CCND3: variants seen among roughly 807,000 people sequenced by gnomAD.
CCND3 encodes G1/S-specific cyclin-D3.
CCND3 carries 9 observed loss-of-function variants against 28.7 expected under a neutral mutation model. The observed-to-expected ratio is 0.31, with a 90% CI of 0.19 to 0.55. CCND3 has a LOEUF of 0.55. Among genes scored for constraint, CCND3 ranks in the 20% least tolerant of loss-of-function variants. The pLI is 0.93. For missense variants in CCND3, 315 were observed against 385.8 expected, an observed-to-expected ratio of 0.82 and a Z score of 1.54; for synonymous variants, 164 against 163.9, an observed-to-expected ratio of 1.00 and a Z score of 0.00.
At chr6:42,029,960 T>C (rs9367126) in intron 1 of CCND3, 15,018 of 151,868 alleles carry the variant, frequency 0.099, 1,061 homozygotes, top group East Asian at 0.32. Context: ...TTTCAACCAT[T>C]CTCCCACCAA....
chr6:41,936,913 CCGGGAATAGACAA>C lies in CCND3; in HGVS notation c.575-231_575-219del. 1 of 601,712 alleles carries C rather than the reference CCGGGAATAGACAA, an allele frequency of 1.7e-6. No homozygotes were observed. The allele number at this position is 601,712 out of a possible 1,614,324, so 37.3% of individuals were successfully genotyped here. A position where few individuals can be genotyped will look rare whatever the true frequency, so the allele number is the denominator to read the frequency against. On this transcript the variant is annotated intron_variant, in intron 3 of 4. Transcript: ENST00000372991. This position sits in a 1 kb window ranked among gnomAD's most constrained non-coding sequence, Gnocchi z 4.4. ...AACCAACTGCCAGTTTCCATAGGTC[CCGGGAATAGACAA>C]GACACTCCCTAGTATGGGAACACAA... is the stretch of plus-strand genomic sequence containing the variant.
At chr6:41,967,202 G>A (rs2127406655) in intron 1 of CCND3, among the ~76,000 whole-genome samples, 1 of 152,256 alleles carries the variant, frequency 6.6e-6, no homozygotes, top group South Asian at 2.1e-4. Flanking sequence ...ATTTTGAAAG[G>A]GGGAAGGCGG....
intron 1 of CCND3, among the ~76,000 whole-genome samples, chr6:41,996,151 G>T (rs796766387): frequency 0.02 from 2,507 of 126,728 alleles, 45 homozygotes; most frequent in East Asian, 0.1. Flanking sequence ...TTTTTTGTTT[G>T]TTTGTTTGTT....
intron 1 of CCND3, among the ~76,000 whole-genome samples, chr6:41,950,770 G>A (rs966044661): frequency 9.3e-5 from 14 of 149,736 alleles, no homozygotes; most frequent in Admixed American, 6.7e-4. Flanking sequence ...GTGCAGTGGC[G>A]CGATCTCAGC....
intron 1 of CCND3, among the ~76,000 whole-genome samples, chr6:41,987,475 TTTTCTCTCTCTCTCTCTCTC>T (rs1386672921): frequency 1.8e-5 from 2 of 110,004 alleles, no homozygotes; most frequent in Non-Finnish European, 3.7e-5. Flanking sequence ...TGGACCAGGC[TTTTCTCTCTCTCTCTCTCTC>T]TCTCTCTCTC....
rs1776004046 is a variant in CCND3 at position 41,941,236 on chromosome 6, C to T, written c.198+216G>A. ...CCGAAGAGAGGCACAGTTAGGGTGC[C>T]AAGTGACTGGCAGTCACTGTCGGGA... On this transcript the variant is annotated intron_variant, in intron 1 of 4. Coordinates refer to ENST00000372991, the MANE Select transcript of CCND3 (RefSeq NM_001760.5). The surrounding 1 kb of genome is among the most constrained non-coding windows in gnomAD (Gnocchi z 6.1). 7.0e-7 allele frequency: 1 copy of T among 1,432,720 alleles called. No homozygotes were observed. The highest frequency in any genetic ancestry group is 1.4e-5 in the African/African-American group (1 of 69,408). The allele number at this position is 1,432,720 out of a possible 1,614,324, so 88.8% of individuals were successfully genotyped here. A position where few individuals can be genotyped will look rare whatever the true frequency, so the allele number is the denominator to read the frequency against.
chr6:42,026,741 C>A lies in CCND3; in HGVS notation c.-46+21760G>T, dbSNP rs567044086. On this transcript the variant is annotated intron_variant, in intron 1 of 4. Transcript: ENST00000372988. The stretch of plus-strand genomic sequence containing the variant: ...GATCAGCTGGTGACCAAAGGGATGT[C>A]ATCTGGCAACTTTGAGGTCATGCTC... 7.2e-5 allele frequency among the ~76,000 whole-genome samples: 11 copies of A among 152,260 alleles called. No homozygotes were observed. In the South Asian group the frequency reaches 2.3e-3, roughly 32 times the overall value.
chr6:41,974,455 C>T lies in CCND3; in HGVS notation c.-45-33870G>A, dbSNP rs182711962. Among the ~76,000 whole-genome samples, 389 of 152,264 alleles carry T rather than the reference C, an allele frequency of 2.6e-3. 2 individuals are homozygous for T. The highest frequency in any genetic ancestry group is 2.7e-3 in the Non-Finnish European group (184 of 68,028). ...TAACCAGGTGCCAGCCCCCTCCCCTCTAATAGAAGTAGCTGGGGGTTGCTA... is the reference window on the plus strand; with the variant it reads ...TAACCAGGTGCCAGCCCCCTCCCCTTTAATAGAAGTAGCTGGGGGTTGCTA... On this transcript the variant is annotated intron_variant, in intron 1 of 4. Coordinates refer to the CCND3 transcript ENST00000372988.
At chr6:42,043,571 G>A (rs1374316278) in intron 1 of CCND3, among the ~76,000 whole-genome samples, 9 of 151,864 alleles carry the variant, frequency 5.9e-5, no homozygotes, top group African/African-American at 1.7e-4. Context: ...GTGGCGCCAC[G>A]CGTGTTGTCC....
upstream of CCND3, among the ~76,000 whole-genome samples, chr6:41,944,526 A>T (rs937137213): frequency 2.0e-5 from 3 of 151,830 alleles, no homozygotes; most frequent in South Asian, 2.1e-4. Flanking sequence ...GTTTCAAGTG[A>T]TTCTCCTGCC....
chr6:41,936,440 A>G lies in CCND3; in HGVS notation c.711+119T>C, dbSNP rs1317223671. On this transcript the variant is annotated intron_variant, in intron 4 of 4. Transcript: ENST00000372991. This position sits in a 1 kb window ranked among gnomAD's most constrained non-coding sequence, Gnocchi z 4.4. ...GGAGATAAAAAGCCACAAAGCCCCA[A>G]GGTTGTGAAACCAGGACTTGGGACC... The G allele has an allele frequency of 5.7e-6, 7 of 1,229,294 alleles. No individual in the cohort carries two copies. Among genetic ancestry groups the G allele is most frequent in the African/African-American group, 1.5e-5 (1 of 66,442 alleles). 76.1% of individuals were successfully genotyped at this position (1,229,294 alleles called of 1,614,324 possible).
upstream of CCND3, among the ~76,000 whole-genome samples, chr6:41,942,544 T>C (rs1776065411): frequency 6.6e-6 from 1 of 152,182 alleles, no homozygotes; most frequent in Non-Finnish European, 1.5e-5. Flanking sequence ...TGGCCTCACC[T>C]TGTTAAGTTG....
intron 1 of CCND3, among the ~76,000 whole-genome samples, chr6:41,980,057 C>T (rs536616092): frequency 8.4e-6 from 1 of 118,526 alleles, no homozygotes; most frequent in South Asian, 2.6e-4. Flanking sequence ...TGACCAGAAT[C>T]CTCTAATCCT....
At chr6:41,940,888 A>G in intron 1 of CCND3, 1 of 1,449,176 alleles carries the variant, frequency 6.9e-7, no homozygotes, top group Non-Finnish European at 9.7e-7. Context: ...GTGGGACGCA[A>G]GGGTCACCCA....
rs1764626135 is a variant in CCND3, at chr6:42,048,760, G to C, written c.-305C>G. 2 of 471,472 alleles carry C rather than the reference G, an allele frequency of 4.2e-6. No homozygotes were observed. The highest frequency in any genetic ancestry group is 3.0e-5 in the South Asian group (2 of 65,970). The allele number at this position is 471,472 out of a possible 1,614,324, so 29.2% of individuals were successfully genotyped here. ...GGAAGAGGGGGCGGAGGAGACAAAGGGGCTGGTGCTCTGCTCAGCCAAGTT... is the reference window on the plus strand; with the variant it reads ...GGAAGAGGGGGCGGAGGAGACAAAGCGGCTGGTGCTCTGCTCAGCCAAGTT... On this transcript the variant is annotated 5_prime_UTR_variant, in exon 1 of 5. Coordinates refer to the CCND3 transcript ENST00000372988. This position sits in a 1 kb window ranked among gnomAD's most constrained non-coding sequence, Gnocchi z 4.7.
intron 1 of CCND3, among the ~76,000 whole-genome samples, chr6:42,025,871 G>A (rs1305564931): frequency 6.6e-6 from 1 of 152,196 alleles, no homozygotes; most frequent in African/African-American, 2.4e-5. Context: ...CACGGAACAT[G>A]GTACCCGGTG....
At chr6:41,942,872 C>CTTTTTTTTTTTTTTTTTTTTTT (rs60884050), upstream of CCND3, among the ~76,000 whole-genome samples, 1 of 82,568 alleles carries the variant, frequency 1.2e-5, no homozygotes, top group Non-Finnish European at 2.2e-5. Context: ...GTTAATTATT[C>CTTTTTTTTTTTTTTTTTTTTTT]TTTTTTTTTT....
chr6:42,008,720 C>T (rs969636943), intron 1 of CCND3, among the ~76,000 whole-genome samples: 4 of 152,108 alleles, frequency 2.6e-5, no homozygotes, highest in South Asian at 2.1e-4. Flanking sequence ...TGTATATATT[C>T]GGTTATGGTT....
chr6:41,954,614 G>T (rs1776397145), intron 1 of CCND3, among the ~76,000 whole-genome samples: 1 of 152,000 alleles, frequency 6.6e-6, no homozygotes, highest in Admixed American at 6.6e-5. Flanking sequence ...ACCCAGGCTG[G>T]TCTTGAACTC....
Sources: allele counts gnomAD v4.1 joint callset (sites outside exome capture counted in the v4.1 genomes callset), GRCh38; gene constraint gnomAD v4.1.1; non-coding constraint Gnocchi (gnomAD v3.1); transcripts MANE v1.5; gene names NCBI Gene and HGNC (gene_info 2026-07-23, HGNC 2026-07-21).